BAIAP3: variants seen among roughly 807,000 people sequenced by gnomAD.
BAIAP3 encodes BAI1 associated protein 3, also known as BAI1-associated protein 3.
BAIAP3 carries 180 observed loss-of-function variants against 149.7 expected under a neutral mutation model. The observed-to-expected ratio is 1.20, with a 90% CI of 1.07 to 1.36. The LOEUF is 1.36. Ranked by LOEUF, BAIAP3 falls within the 40% of genes most tolerant of loss-of-function variation. The pLI is 0.00. For missense variants in BAIAP3, 1,767 were observed against 1,563.4 expected, an observed-to-expected ratio of 1.13 and a Z score of -2.20; for synonymous variants, 845 against 670.7, an observed-to-expected ratio of 1.26 and a Z score of -4.02.
In BAIAP3 at chr16:1,338,919, T is replaced by C; in HGVS notation, c.149T>C (p.Val50Ala). ...TTCTCCAGGAAACCCGGGGATGGCG[T>C]GGAGTTCTTTGCCCACATGCGCCTC... ...ATGAWKPGDG[V>A]EFFAHMRLML... Residue 50 changes from valine to alanine, a missense_variant, in exon 3 of 34, where the codon GTG becomes GCG. Val to Ala is a moderately conservative substitution (Grantham distance 64, BLOSUM62 0). Transcript: ENST00000426824. The C allele has an allele frequency of 6.2e-7, 1 of 1,613,054 alleles. No individual in the cohort carries two copies. Among genetic ancestry groups the C allele is most frequent in the Non-Finnish European group, 8.5e-7 (1 of 1,179,940 alleles).
rs762130077 is a variant in BAIAP3, at chr16:1,347,884, G to T, written c.3026-10G>T. ...TGGGGGCAGGGGGGCTCACGACTGT[G>T]CTCCTGCAGGCTTAAGTGACCCCTT... is the stretch of plus-strand genomic sequence containing the variant. On this transcript the variant is annotated splice_polypyrimidine_tract_variant and intron_variant, in intron 31 of 33. Coordinates refer to ENST00000426824, the MANE Select transcript of BAIAP3 (RefSeq NM_001199097.2). 6.8e-6 allele frequency: 11 copies of T among 1,611,064 alleles called. No homozygotes were observed. Among genetic ancestry groups the T allele is most frequent in the Non-Finnish European group, 9.3e-6 (11 of 1,179,688 alleles).
At chr16:1,345,138 G>A in intron 21 of BAIAP3, 39 bp downstream of exon 21, 1 of 1,611,858 alleles carries the variant, frequency 6.2e-7, no homozygotes, top group Middle Eastern at 1.7e-4. Context: ...ACAGACTTTG[G>A]GACCAGGGCC....
chr16:1,339,301 G>GT, intron 4 of BAIAP3, 57 bp downstream of exon 4: 2 of 1,539,122 alleles, frequency 1.3e-6, no homozygotes, highest in South Asian at 1.2e-5. Flanking sequence ...TCCCTCAGCC[G>GT]TTTAGAGGCA....
chr16:1,346,581 T>C, intron 26 of BAIAP3, 24 bp from the exon 27 acceptor site: 2 of 1,564,522 alleles, frequency 1.3e-6, no homozygotes, highest in South Asian at 1.2e-5. Flanking sequence ...GGGGTAAGCC[T>C]GGCCTGACCA....
chr16:1,341,078 T>C (rs2033891510), intron 6 of BAIAP3, 51 bp from the exon 7 acceptor site: 4 of 1,611,046 alleles, frequency 2.5e-6, no homozygotes, highest in South Asian at 1.1e-5. Context: ...AAGTAGGGCA[T>C]CTGGGGGGCA....
intron 8 of BAIAP3, 134 bp from the exon 9 acceptor site, chr16:1,341,688 A>G (rs2141587322): frequency 8.3e-7 from 1 of 1,202,870 alleles, no homozygotes; most frequent in Non-Finnish European, 1.2e-6. Context: ...TGGCGGGATC[A>G]GGATTTGGAC....
chr16:1,348,062 C>T (rs753512883), intron 32 of BAIAP3, 34 bp from the exon 33 acceptor site: 20 of 1,478,426 alleles, frequency 1.4e-5, no homozygotes, highest in African/African-American at 7.7e-5. Flanking sequence ...TCCAGGCTGC[C>T]GGAGCGAGAC....
chr16:1,334,558 T>TG, intron 1 of BAIAP3: 2 of 1,118,780 alleles, frequency 1.8e-6, no homozygotes, highest in South Asian at 2.9e-5. Context: ...CCTGCGCTCC[T>TG]GCTGGGCGCC....
chr16:1,348,012 C>T lies in BAIAP3; in HGVS notation c.3144C>T (p.Phe1048=). The change falls in exon 32 of 34, where the codon TTC becomes TTT. Residue 1048 remains phenylalanine (F), a synonymous_variant. Coordinates refer to ENST00000426824, the MANE Select transcript of BAIAP3 (RefSeq NM_001199097.2). The part of the protein sequence containing the change: ...RTLHPVYDEL[F]YFSVPAEACR... ...TGCACCCTGTATACGACGAACTCTT[C>T]TACTTGTGAGTGTCCTAAGCCCCAG... The T allele has an allele frequency of 6.2e-7, 1 of 1,608,664 alleles. No homozygotes were observed. Among genetic ancestry groups the T allele is most frequent in the East Asian group, 2.2e-5 (1 of 44,872 alleles).
At position 1,340,336 on chromosome 16, in the gene BAIAP3, GCACA is replaced by G. The variant is rs373200626; in HGVS notation, c.409-583_409-580del. 5.7e-3 allele frequency among the ~76,000 whole-genome samples: 753 copies of G among 131,838 alleles called. 5 individuals carry two copies. The highest frequency in any genetic ancestry group is 0.015 in the East Asian group (64 of 4,146). The allele number at this position is 131,838 out of a possible 152,430, so 86.5% of individuals were successfully genotyped here. ...ATGCCCAGGCACACAGGCTGCAGGT[GCACA>G]CAGACACACGCACACAGGCTGCAGG... On this transcript the variant is annotated intron_variant, in intron 5 of 33. Transcript: ENST00000426824.
chr16:1,345,946 G>C (rs1357879782), intron 23 of BAIAP3, 40 bp from the exon 24 acceptor site: 1 of 1,588,384 alleles, frequency 6.3e-7, no homozygotes, highest in African/African-American at 1.3e-5. Context: ...GATGGGGCAG[G>C]GGAGGGCTCC....
chr16:1,343,164 G>C (rs1015079270), intron 14 of BAIAP3, 148 bp downstream of exon 14: 1 of 1,108,892 alleles, frequency 9.0e-7, no homozygotes, highest in East Asian at 2.6e-5. Context: ...GCGCTGATTG[G>C]GCGGGAAGGG....
chr16:1,339,015 A>C, intron 3 of BAIAP3, 26 bp downstream of exon 3: 2 of 1,611,820 alleles, frequency 1.2e-6, no homozygotes, highest in Non-Finnish European at 1.7e-6. Context: ...CCAGGGCCCG[A>C]TACCACAGCC....
At chr16:1,338,398 C>T in intron 1 of BAIAP3, 142 bp from the exon 2 acceptor site, 2 of 1,114,494 alleles carry the variant, frequency 1.8e-6, no homozygotes, top group Non-Finnish European at 2.5e-6. Flanking sequence ...TGACCAGGTG[C>T]CCAGCGCCAT....
rs2034031860 is a variant in BAIAP3, at chr16:1,343,000, T to C, written c.1249T>C (p.Leu417=). The C allele has an allele frequency of 1.2e-6, 2 of 1,610,048 alleles. No individual in the cohort carries two copies. The highest frequency in any genetic ancestry group is 1.7e-6 in the Non-Finnish European group (2 of 1,179,924). The change falls in exon 14 of 34, where the codon TTG becomes CTG. Residue 417 remains leucine, a synonymous_variant. Transcript: ENST00000426824. ...LHGAQSNLSP[L]QLAVLHWQVS... ...CGGAGCCCAGAGCAACCTGTCACCC[T>C]TGCAGCTGGCCGTGCTGTGAGTGGG...
At chr16:1,341,027 C>T (rs955562059) in intron 6 of BAIAP3, 46 bp downstream of exon 6, 31 of 1,609,460 alleles carry the variant, frequency 1.9e-5, no homozygotes, top group Middle Eastern at 1.6e-4. Context: ...CACGTGCCTG[C>T]GTGGCGGGGG....
intron 28 of BAIAP3, 111 bp from the exon 29 acceptor site, chr16:1,347,187 C>A: frequency 8.5e-7 from 1 of 1,172,618 alleles, no homozygotes; most frequent in Non-Finnish European, 1.2e-6. Context: ...GGGCTCTGCC[C>A]TTGGCTGCTG....
intron 31 of BAIAP3, 27 bp downstream of exon 31, chr16:1,347,848 T>C: frequency 6.2e-7 from 1 of 1,602,864 alleles, no homozygotes; most frequent in Non-Finnish European, 8.5e-7. Flanking sequence ...ACGGGTCGGG[T>C]GGTGGTGGGA....
intron 22 of BAIAP3, 48 bp from the exon 23 acceptor site, chr16:1,345,699 C>T: frequency 1.4e-6 from 2 of 1,427,194 alleles, no homozygotes; most frequent in Non-Finnish European, 1.9e-6. Flanking sequence ...CCCACCTCCC[C>T]AGCCTCCCCT....
Sources: allele counts gnomAD v4.1 joint callset (sites outside exome capture counted in the v4.1 genomes callset), GRCh38; gene constraint gnomAD v4.1.1; transcripts MANE v1.5; gene names NCBI Gene and HGNC (gene_info 2026-07-23, HGNC 2026-07-21).